MFSD11: variants seen among roughly 807,000 people sequenced by gnomAD.
MFSD11 encodes the protein major facilitator superfamily domain containing 11, also known as UNC93-like protein MFSD11.
In MFSD11, 36 loss-of-function variants were observed where a neutral mutation model predicts 53.5. The ratio of observed to expected loss-of-function variants is 0.67; its 90% confidence interval spans 0.52 to 0.89. The LOEUF (loss-of-function observed/expected upper bound fraction) is 0.89, where lower values mean the gene tolerates loss of function less well. Ranked by LOEUF, MFSD11 falls within the 40% of genes least tolerant of loss-of-function variation. The probability of loss-of-function intolerance (pLI) is 0.00; values close to 1 mark genes in which losing one functional copy is unlikely to be tolerated. For missense variants in MFSD11, 530 were observed against 543.9 expected (o/e 0.97, Z 0.25); for synonymous variants, 186 against 184.9 (o/e 1.01, Z -0.05).
At chr17:76,777,367 G>A (rs1200183677) in intron 12 of MFSD11, among the ~76,000 whole-genome samples, 2 of 152,062 alleles carry the variant, frequency 1.3e-5, no homozygotes, top group African/African-American at 4.8e-5. Flanking sequence ...CCAAGTAGGT[G>A]GGATTACAGG....
At chr17:76,769,939 G>C in intron 10 of MFSD11, 68 bp downstream of exon 10, 1 of 1,419,202 alleles carries the variant, frequency 7.0e-7, no homozygotes, top group Non-Finnish European at 9.7e-7. Flanking sequence ...GAAATTTTAA[G>C]TGTGCTTCAC....
intron 8 of MFSD11, among the ~76,000 whole-genome samples, chr17:76,762,010 T>C (rs1185140918): frequency 1.3e-5 from 2 of 152,176 alleles, no homozygotes; most frequent in Non-Finnish European, 2.9e-5. Context: ...TTTATTATAT[T>C]CAGAGTCGTG....
intron 2 of MFSD11, 26 bp downstream of exon 2, chr17:76,739,019 C>T: frequency 1.3e-6 from 2 of 1,594,548 alleles, no homozygotes; most frequent in Non-Finnish European, 1.7e-6. Context: ...ATTGATTTTG[C>T]TTTATATTTG....
rs1051539394 is a variant in MFSD11, at chr17:76,776,592, G to C, written c.1185+51G>C. 1.3e-6 allele frequency: 2 copies of C among 1,531,550 alleles called. No individual in the cohort carries two copies. Among genetic ancestry groups the C allele is most frequent in the African/African-American group, 1.4e-5 (1 of 71,110 alleles). The allele number at this position is 1,531,550 out of a possible 1,614,324, so 94.9% of individuals were successfully genotyped here. On this transcript the variant is annotated intron_variant, in intron 12 of 12. Transcript: ENST00000685175. This position sits in a 1 kb window ranked among gnomAD's most constrained non-coding sequence, Gnocchi z 4.2. ...TTTGACATAGGGCTCTTCCCTTTGT[G>C]TATTGCCTTGTTTTCCTTGGTTACT...
Position 76,743,377 on chromosome 17 carries a change from TC to T in MFSD11, c.438-19del. 6.6e-7 allele frequency: 1 copy of T among 1,507,814 alleles called. No individual in the cohort carries two copies. Among genetic ancestry groups the T allele is most frequent in the Non-Finnish European group, 9.0e-7 (1 of 1,105,332 alleles). 93.4% of individuals were successfully genotyped at this position (1,507,814 alleles called of 1,614,324 possible). The stretch of plus-strand genomic sequence containing the variant: ...ATTAAAATAATTACCCAACATCCTA[TC>T]CTCCCTTTTCTTCCCCCAGCTTGTT... On this transcript the variant is annotated intron_variant, in intron 5 of 12. Coordinates refer to ENST00000685175, the MANE Select transcript of MFSD11 (RefSeq NM_001242532.5).
intron 10 of MFSD11, among the ~76,000 whole-genome samples, chr17:76,772,133 G>A (rs942019065): frequency 3.3e-5 from 5 of 152,080 alleles, no homozygotes; most frequent in Non-Finnish European, 5.9e-5. Context: ...AAGAAATTGC[G>A]AAAATAGGCC....
upstream of MFSD11, chr17:76,737,632 A>C: frequency 5.0e-6 from 1 of 200,110 alleles, no homozygotes; most frequent in Non-Finnish European, 1.0e-5. Context: ...GGTGCTCCCC[A>C]TCTGGGCCCC....
chr17:76,775,299 G>A (rs2081720696), intron 11 of MFSD11, 128 bp downstream of exon 11: 2 of 731,014 alleles, frequency 2.7e-6, no homozygotes, highest in Non-Finnish European at 4.3e-6. Context: ...TCTGTCAAGT[G>A]TTCATGGAGT....
intron 10 of MFSD11, 76 bp downstream of exon 10, chr17:76,769,947 C>A: frequency 7.5e-7 from 1 of 1,333,422 alleles, no homozygotes; most frequent in Admixed American, 2.3e-5. Flanking sequence ...AAGTGTGCTT[C>A]ACCTTTGTCC....
chr17:76,749,559 T>C (rs1289059262), intron 7 of MFSD11, among the ~76,000 whole-genome samples: 2 of 144,814 alleles, frequency 1.4e-5, no homozygotes, highest in African/African-American at 5.1e-5. Context: ...GAAGGAACAA[T>C]GTATGCTGTA....
intron 8 of MFSD11, among the ~76,000 whole-genome samples, chr17:76,755,615 T>G (rs2079366954): frequency 6.6e-6 from 1 of 151,464 alleles, no homozygotes; most frequent in African/African-American, 2.4e-5. Flanking sequence ...TGTAGCTTGT[T>G]TTTTTAGAAA....
At chr17:76,769,959 T>G in intron 10 of MFSD11, 88 bp downstream of exon 10, 1 of 1,244,848 alleles carries the variant, frequency 8.0e-7, no homozygotes, top group Non-Finnish European at 1.1e-6. Flanking sequence ...CCTTTGTCCT[T>G]GAATTTCTGT....
chr17:76,737,297 C>A (rs1015554500), upstream of MFSD11: 16 of 1,247,718 alleles, frequency 1.3e-5, no homozygotes, highest in African/African-American at 4.6e-5. Flanking sequence ...ACAGCACGGA[C>A]GGGCTCCGCA....
At chr17:76,749,451 C>T (rs1255470182) in intron 7 of MFSD11, among the ~76,000 whole-genome samples, 1 of 151,916 alleles carries the variant, frequency 6.6e-6, no homozygotes, top group African/African-American at 2.4e-5. Flanking sequence ...ATCGCTTACG[C>T]CCAGGACGCG....
chr17:76,753,997 C>G, intron 7 of MFSD11, 50 bp from the exon 8 acceptor site: 1 of 1,476,790 alleles, frequency 6.8e-7, no homozygotes, highest in Non-Finnish European at 9.3e-7. Flanking sequence ...TATGTTTGTT[C>G]TTTTATTTTC....
chr17:76,777,084 G>T (rs1326407987), intron 12 of MFSD11, among the ~76,000 whole-genome samples: 3 of 152,000 alleles, frequency 2.0e-5, no homozygotes, highest in African/African-American at 4.8e-5. Context: ...TGGCTAACAC[G>T]GTGAAACCCT....
intron 8 of MFSD11, chr17:76,767,147 G>T: frequency 2.6e-6 from 1 of 386,828 alleles, no homozygotes; most frequent in South Asian, 5.1e-5. Flanking sequence ...TTTGTTATAA[G>T]AGCTGGAAAA....
At position 76,776,345 on chromosome 17, in the gene MFSD11, G is replaced by A; in HGVS notation, c.1050-61G>A. ...GAATTCTTTTGTGGGTGGGTTGCTT[G>A]TATATTTTAAATGGCTCTAGCAGAT... On this transcript the variant is annotated intron_variant, in intron 11 of 12. Coordinates refer to ENST00000685175, the MANE Select transcript of MFSD11 (RefSeq NM_001242532.5). This position sits in a 1 kb window ranked among gnomAD's most constrained non-coding sequence, Gnocchi z 4.2. 3.2e-6 allele frequency: 5 copies of A among 1,556,584 alleles called. No individual in the cohort carries two copies. The South Asian group carries it at 3.5e-5, about 11-fold the overall frequency.
intron 12 of MFSD11, among the ~76,000 whole-genome samples, chr17:76,777,255 G>A (rs1235640001): frequency 1.4e-5 from 2 of 145,566 alleles, no homozygotes; most frequent in Admixed American, 7.0e-5. Context: ...GCCACAGAGC[G>A]AGACTCCGTC....
Sources: gnomAD v4.1 joint callset for allele counts (sites outside exome capture counted in the v4.1 genomes callset) on GRCh38, gnomAD v4.1.1 for gene constraint, Gnocchi (gnomAD v3.1) non-coding constraint, MANE v1.5 for transcripts, NCBI Gene and HGNC (gene_info 2026-07-23, HGNC 2026-07-21) for gene names.